VPS8: variants seen among roughly 807,000 people sequenced by gnomAD.
The protein encoded by VPS8 is VPS8 subunit of CORVET complex.
In VPS8, 129 loss-of-function variants were observed where a neutral mutation model predicts 216.4. The ratio of observed to expected loss-of-function variants is 0.60; its 90% CI spans 0.52 to 0.69. VPS8 has a LOEUF of 0.69. VPS8 is among the 30% of genes least tolerant of loss of function. The pLI is 0.00. For synonymous variants in VPS8, 571 were observed against 565.4 expected, an observed-to-expected ratio of 1.01 and a Z score of -0.14; for missense variants, 1,531 against 1,683.5, an observed-to-expected ratio of 0.91 and a Z score of 1.59.
intron 42 of VPS8, among the ~76,000 whole-genome samples, chr3:184,989,585 T>C (rs934090002): frequency 6.6e-6 from 1 of 152,140 alleles, no homozygotes; most frequent in Non-Finnish European, 1.5e-5. Context: ...TTTTTAAATG[T>C]TGAACCAGCC....
At chr3:184,940,002 G>A (rs913184846) in intron 35 of VPS8, among the ~76,000 whole-genome samples, 195 bp from the exon 36 acceptor site, 3 of 152,204 alleles carry the variant, frequency 2.0e-5, no homozygotes, top group African/African-American at 7.2e-5. Flanking sequence ...GTGAATGTGC[G>A]ACAGTGATTA....
chr3:184,983,311 C>A (rs1217089004), intron 42 of VPS8, among the ~76,000 whole-genome samples: 4 of 152,124 alleles, frequency 2.6e-5, no homozygotes, highest in African/African-American at 9.7e-5. Flanking sequence ...AAGCTTGTGA[C>A]CTTCAGTTAG....
intron 21 of VPS8, among the ~76,000 whole-genome samples, chr3:184,876,907 C>G (rs1427233026): frequency 6.6e-6 from 1 of 152,170 alleles, no homozygotes; most frequent in Non-Finnish European, 1.5e-5. Context: ...TATATCAAAT[C>G]TAGATATGAT....
At chr3:184,968,032 C>T (rs1747713539) in intron 39 of VPS8, among the ~76,000 whole-genome samples, 2 of 152,052 alleles carry the variant, frequency 1.3e-5, no homozygotes, top group African/African-American at 4.8e-5. Context: ...CAACAGCTCC[C>T]CTATTCCCCT....
chr3:184,849,937 T>G lies in VPS8; in HGVS notation c.668T>G (p.Ile223Ser), dbSNP rs1468821630. 6.2e-7 allele frequency: 1 copy of G among 1,611,346 alleles called. No homozygotes were observed. The change falls in exon 10 of 48, where the codon ATC becomes AGC. Residue 223 changes from isoleucine (I) to serine (S), a missense_variant and splice_region_variant. By Grantham distance (142) the Ile-to-Ser change is moderately radical. Around this residue, in one of 3 missense-constraint regions of VPS8, gnomAD observed 1,318 missense variants for 1,468.4 expected, o/e 0.90. Transcript: ENST00000625842. Reference sequence around the variant, plus strand: ...TTGAAGCACTTAGTTGTCTTATAGATCACCATGTGGGATTTGGCCAGTGGA... The same window carrying G: ...TTGAAGCACTTAGTTGTCTTATAGAGCACCATGTGGGATTTGGCCAGTGGA... ...RLLCGFAKGQ[I>S]TMWDLASGKL... is the part of the protein sequence containing the mutation.
At chr3:184,909,470 C>T (rs1331465874) in intron 25 of VPS8, among the ~76,000 whole-genome samples, 1 of 152,120 alleles carries the variant, frequency 6.6e-6, no homozygotes, top group Non-Finnish European at 1.5e-5. Context: ...CTCTGTTTTT[C>T]ACCTTGGATG....
chr3:185,028,436 G>C (rs1419723009), intron 46 of VPS8, among the ~76,000 whole-genome samples: 1 of 152,186 alleles, frequency 6.6e-6, no homozygotes, highest in Non-Finnish European at 1.5e-5. Flanking sequence ...TGAAAGCATG[G>C]AGAAGTCTGG....
chr3:184,861,595 C>A (rs1726383844), intron 15 of VPS8, among the ~76,000 whole-genome samples: 1 of 152,180 alleles, frequency 6.6e-6, no homozygotes, highest in Non-Finnish European at 1.5e-5. Flanking sequence ...CAGAATTTAT[C>A]ATCATAATTT....
At chr3:185,032,905 G>A (rs916345145) in intron 46 of VPS8, among the ~76,000 whole-genome samples, 1 of 152,186 alleles carries the variant, frequency 6.6e-6, no homozygotes, top group Non-Finnish European at 1.5e-5. Context: ...CTGACCTCGT[G>A]ATCCGCCTGC....
Position 184,998,591 on chromosome 3 carries a change from T to C in VPS8, c.3837-1105T>C, listed in dbSNP as rs1752966708. Among the ~76,000 whole-genome samples, 5 of 150,756 alleles carry C rather than the reference T, an allele frequency of 3.3e-5. 1 individual carries two copies. In the South Asian group the frequency reaches 1.1e-3, roughly 32 times the overall value. ...AAAAAGAAAAAGAGTATAAAGACTA[T>C]AGAAAAGAAAAGGTTTGATTTCTGG... On this transcript the variant is annotated intron_variant, in intron 44 of 47. Transcript: ENST00000625842.
chr3:184,974,670 C>T (rs1377119351), intron 40 of VPS8, among the ~76,000 whole-genome samples: 1 of 152,008 alleles, frequency 6.6e-6, no homozygotes, highest in African/African-American at 2.4e-5. Flanking sequence ...ATATTTTCTT[C>T]CAGTAGTTGT....
chr3:184,959,775 A>G (rs1231295559), intron 37 of VPS8, among the ~76,000 whole-genome samples: 2 of 152,094 alleles, frequency 1.3e-5, no homozygotes, highest in Non-Finnish European at 2.9e-5. Context: ...CCTGTATTCA[A>G]GAGTATTTGT....
intron 16 of VPS8, among the ~76,000 whole-genome samples, chr3:184,863,843 T>A (rs1015115461): frequency 6.6e-6 from 1 of 152,168 alleles, no homozygotes; most frequent in East Asian, 1.9e-4. Context: ...CAGCATGATG[T>A]GTAGGCTTTG....
chr3:184,955,436 A>G (rs745723714), intron 36 of VPS8, among the ~76,000 whole-genome samples: 2 of 152,182 alleles, frequency 1.3e-5, no homozygotes, highest in Non-Finnish European at 2.9e-5. Context: ...CCCCTGTCCC[A>G]TGATCATGTG....
intron 45 of VPS8, among the ~76,000 whole-genome samples, chr3:185,017,884 T>TA (rs1756040795): frequency 6.6e-6 from 1 of 152,140 alleles, no homozygotes; most frequent in Admixed American, 6.5e-5. Flanking sequence ...TTATCAAACT[T>TA]AGAGTGACAC....
At chr3:184,936,742 C>CTT (rs879437188) in intron 35 of VPS8, among the ~76,000 whole-genome samples, 3 of 143,936 alleles carry the variant, frequency 2.1e-5, no homozygotes, top group Non-Finnish European at 4.6e-5. Flanking sequence ...ACCCCGTTTT[C>CTT]TTTTTTTTTT....
chr3:184,979,819 T>C (rs1749891202), intron 40 of VPS8, among the ~76,000 whole-genome samples: 1 of 152,226 alleles, frequency 6.6e-6, no homozygotes, highest in Admixed American at 6.5e-5. Context: ...ACTATTGTTA[T>C]GTGCAGATTT....
At chr3:184,890,620 G>T (rs1732160709) in intron 22 of VPS8, among the ~76,000 whole-genome samples, 1 of 151,928 alleles carries the variant, frequency 6.6e-6, no homozygotes, top group Non-Finnish European at 1.5e-5. Flanking sequence ...GTGGATATAT[G>T]TATTCCTATT....
chr3:184,922,749 G>C (rs552967431), intron 29 of VPS8, among the ~76,000 whole-genome samples: 1 of 152,128 alleles, frequency 6.6e-6, no homozygotes, highest in Admixed American at 6.6e-5. Context: ...AGTGACCAGA[G>C]AACAGGCCAG....
Sources: gnomAD v4.1 joint callset for allele counts (sites outside exome capture counted in the v4.1 genomes callset) on GRCh38, gnomAD v4.1.1 for gene constraint, gnomAD v4.1.1 regional missense constraint, MANE v1.5 for transcripts, NCBI Gene and HGNC (gene_info 2026-07-23, HGNC 2026-07-21) for gene names.